Variants in ATP8A2 observed in about 807,000 individuals in gnomAD.
ATP8A2 encodes phospholipid-transporting ATPase IB.
In ATP8A2, 100 loss-of-function variants were observed where a neutral mutation model predicts 165.6. The ratio of observed to expected loss-of-function variants is 0.60; its 90% confidence interval spans 0.51 to 0.71. The LOEUF (loss-of-function observed/expected upper bound fraction) is 0.71. ATP8A2 is among the 30% of genes least tolerant of loss of function. The probability of loss-of-function intolerance (pLI) is 0.00; values close to 1 mark genes in which losing one functional copy is unlikely to be tolerated. For missense variants in ATP8A2, 1,227 were observed against 1,479.5 expected (o/e 0.83, Z 2.80); for synonymous variants, 543 against 548.8 (o/e 0.99, Z 0.15).
At position 25,810,591 on chromosome 13, in the gene ATP8A2, A is replaced by T. The variant is rs189644013; in HGVS notation, c.2680-17527A>T. ...TATGTACTCAATATTTAATAAAAAT[A>T]AATTGAATTAATTAATCCTTTCCAA... is the stretch of plus-strand genomic sequence containing the variant. On this transcript the variant is annotated intron_variant, in intron 27 of 36. Transcript: ENST00000381655. Among the ~76,000 whole-genome samples the T allele has an allele frequency of 7.2e-3, 1,104 of 152,290 alleles. 6 individuals are homozygous for T. Among genetic ancestry groups the T allele is most frequent in the Non-Finnish European group, 0.012 (811 of 68,006 alleles).
intron 25 of ATP8A2, among the ~76,000 whole-genome samples, chr13:25,734,049 T>C (rs1271416765): frequency 6.6e-6 from 1 of 152,368 alleles, no homozygotes; most frequent in East Asian, 1.9e-4. Context: ...TAACTTTCTC[T>C]TCATGTTACA....
At chr13:25,961,765 C>A (rs1031731325) in intron 34 of ATP8A2, 102 bp downstream of exon 34, 5 of 904,382 alleles carry the variant, frequency 5.5e-6, no homozygotes, top group African/African-American at 3.4e-5. Flanking sequence ...GACAGGAATT[C>A]GGAAGAAATG....
intron 33 of ATP8A2, among the ~76,000 whole-genome samples, chr13:25,913,829 A>G (rs1011100590): frequency 1.3e-5 from 2 of 152,224 alleles, no homozygotes; most frequent in Non-Finnish European, 2.9e-5. Flanking sequence ...TTTTTATCCC[A>G]GAAAGTGTAT....
At chr13:25,893,765 T>G (rs1953452144) in intron 33 of ATP8A2, among the ~76,000 whole-genome samples, 1 of 152,204 alleles carries the variant, frequency 6.6e-6, no homozygotes, top group African/African-American at 2.4e-5. Flanking sequence ...AGATGGTATC[T>G]CATTGTGGTT....
intron 1 of ATP8A2, among the ~76,000 whole-genome samples, chr13:25,396,488 C>G (rs2033429868): frequency 6.6e-6 from 1 of 152,030 alleles, no homozygotes; most frequent in Non-Finnish European, 1.5e-5. Context: ...AAAAGAAGGT[C>G]AGAGAGAAAC....
At chr13:25,567,032 A>G in intron 16 of ATP8A2, 1 of 260,472 alleles carries the variant, frequency 3.8e-6, no homozygotes, top group Non-Finnish European at 7.6e-6. Context: ...GTGGGATGCC[A>G]TAGAAACCCA....
chr13:25,781,815 A>G (rs544095234), intron 27 of ATP8A2, among the ~76,000 whole-genome samples: 1 of 152,178 alleles, frequency 6.6e-6, no homozygotes, highest in Non-Finnish European at 1.5e-5. Flanking sequence ...TTAGAAAAAA[A>G]TCATATCTAA....
chr13:25,843,359 C>T lies in ATP8A2; in HGVS notation c.2956+3735C>T, dbSNP rs953418146. Among the ~76,000 whole-genome samples the T allele has an allele frequency of 3.4e-4, 51 of 152,170 alleles. 1 individual carries two copies. The highest frequency in any genetic ancestry group is 2.1e-4 in the South Asian group (1 of 4,826). On this transcript the variant is annotated intron_variant, in intron 30 of 36. Coordinates refer to ENST00000381655, the MANE Select transcript of ATP8A2 (RefSeq NM_016529.6). ...CCCAGACTGGAAAAAACAGTAACCT[C>T]CTACTGTAATCTGACTGCTCATGCC...
At chr13:25,623,901 G>A (rs970890722) in intron 24 of ATP8A2, among the ~76,000 whole-genome samples, 1 of 151,828 alleles carries the variant, frequency 6.6e-6, no homozygotes. Context: ...TATCTATAAT[G>A]CATGTATGTA....
intron 30 of ATP8A2, among the ~76,000 whole-genome samples, chr13:25,840,821 G>A (rs890802750): frequency 1.1e-4 from 16 of 152,176 alleles, no homozygotes; most frequent in African/African-American, 3.9e-4. Context: ...GATGGGAAAT[G>A]GTATGTCTGA....
intron 25 of ATP8A2, among the ~76,000 whole-genome samples, chr13:25,703,514 TG>T (rs1278121201): frequency 6.6e-6 from 1 of 152,162 alleles, no homozygotes; most frequent in Non-Finnish European, 1.5e-5. Flanking sequence ...TGTATGTGCA[TG>T]TCCATAATGT....
chr13:25,961,502 C>A, intron 33 of ATP8A2, 73 bp from the exon 34 acceptor site: 1 of 1,226,620 alleles, frequency 8.2e-7, no homozygotes, highest in South Asian at 1.2e-5. Context: ...GAAATATTAT[C>A]CTTGATTACA....
intron 1 of ATP8A2, among the ~76,000 whole-genome samples, chr13:25,454,477 G>A (rs1386244682): frequency 1.3e-5 from 2 of 152,032 alleles, no homozygotes; most frequent in African/African-American, 4.8e-5. Context: ...GGCCCAGAAA[G>A]CCTTCATGTG....
At chr13:25,740,658 C>T (rs902924457) in intron 25 of ATP8A2, among the ~76,000 whole-genome samples, 12 of 152,022 alleles carry the variant, frequency 7.9e-5, no homozygotes, top group Non-Finnish European at 1.6e-4. Flanking sequence ...TCACTACCCA[C>T]GAGAGGCATT....
At position 25,480,261 on chromosome 13, in the gene ATP8A2, T is replaced by C. The variant is rs1462557767; in HGVS notation, c.221+11140T>C. On this transcript the variant is annotated intron_variant, in intron 2 of 36. Transcript: ENST00000381655. ...GGGGCGGCTGGGCAGAGGCGCCCCTTACCTCCCGGACGGGGCGGCTGGCCG... is the reference window on the plus strand; with the variant it reads ...GGGGCGGCTGGGCAGAGGCGCCCCTCACCTCCCGGACGGGGCGGCTGGCCG... 2.5e-3 allele frequency among the ~76,000 whole-genome samples: 272 copies of C among 107,850 alleles called. No homozygotes were observed. The Middle Eastern group carries it at 0.025, about 10-fold the overall frequency. 70.8% of individuals were successfully genotyped at this position (107,850 alleles called of 152,430 possible).
At chr13:25,495,451 T>G (rs981129876) in intron 2 of ATP8A2, among the ~76,000 whole-genome samples, 1 of 151,686 alleles carries the variant, frequency 6.6e-6, no homozygotes, top group African/African-American at 2.4e-5. Flanking sequence ...ACCTATTTGG[T>G]TTTTTGGTTG....
intron 26 of ATP8A2, among the ~76,000 whole-genome samples, chr13:25,773,405 CT>C (rs1282687474): frequency 4.6e-5 from 7 of 152,200 alleles, no homozygotes; most frequent in Admixed American, 4.6e-4. Flanking sequence ...AAGGTTTACA[CT>C]TTTTGGGACC....
intron 24 of ATP8A2, 22 bp downstream of exon 24, chr13:25,589,721 T>C: frequency 6.7e-7 from 1 of 1,501,294 alleles, no homozygotes; most frequent in Non-Finnish European, 9.3e-7. Flanking sequence ...TTCAAAGTTG[T>C]ATTTGCTTTG....
chr13:25,463,674 G>A (rs1275540406), intron 1 of ATP8A2, among the ~76,000 whole-genome samples: 1 of 152,196 alleles, frequency 6.6e-6, no homozygotes. Flanking sequence ...TGAGGAATTT[G>A]AGTCATTCAG....
Sources: allele counts gnomAD v4.1 joint callset (sites outside exome capture counted in the v4.1 genomes callset), GRCh38; gene constraint gnomAD v4.1.1; transcripts MANE v1.5; gene names NCBI Gene and HGNC (gene_info 2026-07-23, HGNC 2026-07-21).